Variants in AMOTL1 observed in about 807,000 individuals in gnomAD.
The protein encoded by AMOTL1 is angiomotin like 1, also known as angiomotin-like protein 1.
Under a neutral mutation model 102.9 loss-of-function variants are expected in AMOTL1, and 45 were observed. The ratio of observed to expected loss-of-function variants is 0.44; its 90% CI spans 0.34 to 0.56. AMOTL1 has a LOEUF of 0.56. Ranked by LOEUF, AMOTL1 falls within the 20% of genes least tolerant of loss-of-function variation. The pLI is 0.01. For missense variants in AMOTL1, 1,114 were observed against 1,225.6 expected, an observed-to-expected ratio of 0.91 and a Z score of 1.36; for synonymous variants, 481 against 484.7, an observed-to-expected ratio of 0.99 and a Z score of 0.10.
chr11:94,804,441 C>T (rs1329777359), intron 3 of AMOTL1, among the ~76,000 whole-genome samples: 1 of 152,150 alleles, frequency 6.6e-6, no homozygotes, highest in Non-Finnish European at 1.5e-5. Context: ...GCATGTGCCA[C>T]CGTGCCCAAC....
chr11:94,846,087 C>A (rs905260181), intron 6 of AMOTL1, among the ~76,000 whole-genome samples: 1 of 152,226 alleles, frequency 6.6e-6, no homozygotes, highest in East Asian at 1.9e-4. Context: ...GTCTGATACA[C>A]TTCATGGTCC....
At chr11:94,828,384 T>C (rs991712954) in intron 4 of AMOTL1, among the ~76,000 whole-genome samples, 1 of 152,080 alleles carries the variant, frequency 6.6e-6, no homozygotes, top group Non-Finnish European at 1.5e-5. Flanking sequence ...TTCTACCTCC[T>C]CTCCCATAAA....
chr11:94,871,810 T>A lies in AMOTL1; in HGVS notation c.*1015T>A, dbSNP rs2135749697. 1 of 152,282 alleles carries A rather than the reference T, an allele frequency of 6.6e-6. No individual in the cohort carries two copies. The highest frequency in any genetic ancestry group is 1.9e-4 in the East Asian group (1 of 5,182). The allele number at this position is 152,282 out of a possible 1,614,324, so 9.4% of individuals were successfully genotyped here. On this transcript the variant is annotated 3_prime_UTR_variant, in exon 13 of 13. Transcript: ENST00000433060. ...TCACATCGGCTGTCTTGCAAGGAGC[T>A]TGACATTTCCAAATTCCATTGCTCT...
chr11:94,792,580 T>C (rs2135555282), intron 1 of AMOTL1, among the ~76,000 whole-genome samples: 1 of 152,362 alleles, frequency 6.6e-6, no homozygotes, highest in Non-Finnish European at 1.5e-5. Context: ...GTCCATCTGC[T>C]GGGTCTGTTG....
intron 1 of AMOTL1, among the ~76,000 whole-genome samples, chr11:94,783,208 C>T (rs1225535492): frequency 6.6e-6 from 1 of 152,148 alleles, no homozygotes; most frequent in East Asian, 1.9e-4. Context: ...ACTCTCAGTG[C>T]TTTAGTATCC....
intron 7 of AMOTL1, among the ~76,000 whole-genome samples, chr11:94,853,149 T>C (rs1234886720): frequency 6.6e-6 from 1 of 152,220 alleles, no homozygotes; most frequent in Non-Finnish European, 1.5e-5. Flanking sequence ...ATTTTTAGTT[T>C]TACTTTAAGT....
rs559611526 is a variant in AMOTL1 at position 94,871,926 on chromosome 11, C to T, written c.*1131C>T. 114 of 151,964 alleles carry T rather than the reference C, an allele frequency of 7.5e-4. No individual in the cohort carries two copies. The highest frequency in any genetic ancestry group is 1.2e-3 in the Non-Finnish European group (80 of 67,976). The allele number at this position is 151,964 out of a possible 1,614,324, so 9.4% of individuals were successfully genotyped here. On this transcript the variant is annotated 3_prime_UTR_variant, in exon 13 of 13. Coordinates refer to ENST00000433060, the MANE Select transcript of AMOTL1 (RefSeq NM_130847.3). ...GGTTTCCAGAATCTCACCAGCCTCC[C>T]GTATAGCTTCTTGTATTGAGGCTCA...
chr11:94,718,872 G>T (rs994622688), intron 1 of AMOTL1, among the ~76,000 whole-genome samples: 7 of 150,956 alleles, frequency 4.6e-5, no homozygotes, highest in Non-Finnish European at 1.0e-4. Context: ...TCTTTTTAGA[G>T]AAAATTTAAA....
intron 9 of AMOTL1, among the ~76,000 whole-genome samples, chr11:94,860,743 A>G (rs1952758057): frequency 6.6e-6 from 1 of 152,240 alleles, no homozygotes; most frequent in Non-Finnish European, 1.5e-5. Flanking sequence ...GAGCACCCAG[A>G]AAATGGGACT....
chr11:94,729,105 C>CA, intron 2 of AMOTL1: 1 of 1,226,006 alleles, frequency 8.2e-7, no homozygotes, highest in Non-Finnish European at 1.1e-6. Flanking sequence ...TCAGCTTCTG[C>CA]ACCTCATTAT....
intron 3 of AMOTL1, among the ~76,000 whole-genome samples, chr11:94,804,448 C>T (rs1284512641): frequency 6.6e-6 from 1 of 152,080 alleles, no homozygotes; most frequent in East Asian, 1.9e-4. Flanking sequence ...CCACCGTGCC[C>T]AACTATTTTT....
chr11:94,793,417 A>G (rs7925843), intron 1 of AMOTL1, among the ~76,000 whole-genome samples: 4,714 of 152,226 alleles, frequency 0.031, 190 homozygotes, highest in African/African-American at 0.095. Flanking sequence ...AGCTGTATAA[A>G]ATACAGGTGC....
rs373247762 is a variant in AMOTL1, at chr11:94,782,776, A to G, written c.50-12235A>G. On this transcript the variant is annotated intron_variant, in intron 1 of 12. Transcript: ENST00000433060. ...GTATGAGGACAAATATTCTTCATTT[A>G]CTTCAATCAAAAATTATATAACAAC... 2.8e-4 allele frequency among the ~76,000 whole-genome samples: 43 copies of G among 152,322 alleles called. 1 individual carries two copies. The South Asian group carries it at 3.3e-3, about 12-fold the overall frequency.
intron 1 of AMOTL1, among the ~76,000 whole-genome samples, chr11:94,769,261 T>C (rs1439398652): frequency 1.3e-5 from 2 of 152,234 alleles, no homozygotes; most frequent in Non-Finnish European, 2.9e-5. Flanking sequence ...GGAACTGTTT[T>C]TTCTTGGAAT....
chr11:94,857,342 T>C (rs1294057815), intron 8 of AMOTL1, among the ~76,000 whole-genome samples: 1 of 152,178 alleles, frequency 6.6e-6, no homozygotes, highest in East Asian at 1.9e-4. Flanking sequence ...TCTCCCAAAT[T>C]CCACCCTTAT....
At chr11:94,711,898 T>C (rs560239125) in intron 1 of AMOTL1, among the ~76,000 whole-genome samples, 134 of 152,278 alleles carry the variant, frequency 8.8e-4, no homozygotes, top group Non-Finnish European at 1.1e-3. Flanking sequence ...AAAGATGCTA[T>C]GAACATTCAT....
chr11:94,740,021 C>T (rs1950494960), intron 2 of AMOTL1, among the ~76,000 whole-genome samples: 2 of 152,354 alleles, frequency 1.3e-5, no homozygotes, highest in South Asian at 4.1e-4. Flanking sequence ...TTCTCCCTCA[C>T]ATACCCCTAC....
chr11:94,769,133 C>A (rs1203563162), intron 1 of AMOTL1, among the ~76,000 whole-genome samples: 1 of 152,246 alleles, frequency 6.6e-6, no homozygotes, highest in Non-Finnish European at 1.5e-5. Context: ...CTTCTTTGTT[C>A]TCTCCCCAGA....
upstream of AMOTL1, chr11:94,768,272 G>A (rs1950881781): frequency 4.9e-6 from 6 of 1,234,462 alleles, no homozygotes; most frequent in Non-Finnish European, 6.1e-6. Context: ...CCACGGCGGG[G>A]GTGGAGTGTA....
Sources: allele counts gnomAD v4.1 joint callset (sites outside exome capture counted in the v4.1 genomes callset), GRCh38; gene constraint gnomAD v4.1.1; transcripts MANE v1.5; gene names NCBI Gene and HGNC (gene_info 2026-07-23, HGNC 2026-07-21).